ADAM15: variants seen among roughly 807,000 people sequenced by gnomAD.
ADAM15 encodes disintegrin and metalloproteinase domain-containing protein 15.
A neutral mutation model predicts 113.8 loss-of-function variants in ADAM15; 77 were observed. The observed-to-expected ratio is 0.68, with a 90% CI of 0.56 to 0.82. The LOEUF is 0.82. ADAM15 is among the 40% of genes least tolerant of loss of function. The pLI, the probability that ADAM15 is intolerant of heterozygous loss-of-function variation, is 0.00. For missense variants in ADAM15, 963 were observed against 1,120.1 expected (o/e 0.86, Z 2.00); for synonymous variants, 388 against 454.1 (o/e 0.85, Z 1.85).
Position 155,058,521 on chromosome 1 carries a change from C to CA in ADAM15, c.1917+81dup. 6.4e-7 allele frequency: 1 copy of CA among 1,569,680 alleles called. No homozygotes were observed. The highest frequency in any genetic ancestry group is 8.6e-7 in the Non-Finnish European group (1 of 1,161,440). The stretch of plus-strand genomic sequence containing the variant: ...TGAACAGAGCCCAGACTTCACCATT[C>CA]ACCAATGTCAAAGGCAGGGACTCCA... On this transcript the variant is annotated intron_variant, in intron 15 of 22. Coordinates refer to ENST00000356955, the MANE Select transcript of ADAM15 (RefSeq NM_207197.3). This position sits in a 1 kb window ranked among gnomAD's most constrained non-coding sequence, Gnocchi z 4.3.
rs777940328 is a variant in ADAM15, at chr1:155,058,440, T to C, written c.1916T>C (p.Leu639Pro). The part of the protein sequence containing the change: ...TLPGTACGPG[L>P]VCIDHRCQRV... ...CCTGGCACAGCCTGTGGCCCTGGCCTGGTGAGCAGCCTGGGTGGGCAAGAC... is the reference window on the plus strand; with the variant it reads ...CCTGGCACAGCCTGTGGCCCTGGCCCGGTGAGCAGCCTGGGTGGGCAAGAC... Residue 639 changes from leucine (L) to proline (P), a missense_variant and splice_region_variant, in exon 15 of 23, where the codon CTG becomes CCG. Physicochemically the swap from Leu to Pro is moderately conservative, Grantham distance 98 (BLOSUM62 -3). Transcript: ENST00000356955. The surrounding 1 kb of genome is among the most constrained non-coding windows in gnomAD (Gnocchi z 4.3). The C allele has an allele frequency of 1.9e-6, 3 of 1,611,012 alleles. No homozygotes were observed. The highest frequency in any genetic ancestry group is 2.5e-6 in the Non-Finnish European group (3 of 1,179,980).
chr1:155,052,873 G>T (rs1184499303), intron 2 of ADAM15, 96 bp downstream of exon 2: 10 of 1,479,410 alleles, frequency 6.8e-6, no homozygotes, highest in African/African-American at 2.8e-5. Context: ...GGAGCTGGTG[G>T]GTAGAGCTCA....
chr1:155,056,093 T>G lies in ADAM15; in HGVS notation c.758T>G (p.Leu253Arg), dbSNP rs752832890. 3.7e-6 allele frequency: 6 copies of G among 1,613,432 alleles called. No individual in the cohort carries two copies. The highest frequency in any genetic ancestry group is 5.1e-6 in the Non-Finnish European group (6 of 1,180,016). The change falls in exon 9 of 23, where the codon CTG becomes CGG. Residue 253 changes from leucine (L) to arginine (R), a missense_variant. Transcript: ENST00000356955. The surrounding 1 kb of genome is among the most constrained non-coding windows in gnomAD (Gnocchi z 4.0). The part of the protein sequence containing the change: ...ALLLDTFFRP[L>R]NVRVALVGLE... ...GCTGTCTTTCAGTTCTTCCGGCCCCTGAATGTACGAGTGGCACTAGTGGGC... is the reference window on the plus strand; with the variant it reads ...GCTGTCTTTCAGTTCTTCCGGCCCCGGAATGTACGAGTGGCACTAGTGGGC...
Position 155,060,244 on chromosome 1 carries a change from TG to T in ADAM15, c.2110del (p.Val704SerfsTer6). 6.2e-7 allele frequency: 1 copy of T among 1,614,138 alleles called. No homozygotes were observed. ...ACCACAGGGCTGCTCCTCAGCCTCC[TG>T]GTCTTATTGGTCCTGGTGATGCTTG... ...SLTTGLLLSL[L>X]VLLVLVMLGA... On this transcript the variant is annotated frameshift_variant, in exon 18 of 23. Transcript: ENST00000356955. LOFTEE classifies it high-confidence loss of function.
At chr1:155,052,379 G>T in intron 1 of ADAM15, 1 of 927,588 alleles carries the variant, frequency 1.1e-6, no homozygotes, top group Non-Finnish European at 1.6e-6. Flanking sequence ...ACCGGGGAGG[G>T]TCCTGTGAGA....
intron 19 of ADAM15, 51 bp downstream of exon 19, chr1:155,060,883 G>C: frequency 1.3e-6 from 2 of 1,550,148 alleles, no homozygotes; most frequent in South Asian, 1.1e-5. Context: ...CGGGCATCCA[G>C]CTTGGGCCCT....
rs968525138 is a variant in ADAM15 at position 155,057,613 on chromosome 1, C to T, written c.1324-24C>T. On this transcript the variant is annotated intron_variant, in intron 12 of 22. Transcript: ENST00000356955. This position sits in a 1 kb window ranked among gnomAD's most constrained non-coding sequence, Gnocchi z 5.0. ...CACAGGCCCCACCTGCTCTGATGCC[C>T]GGCCCCCGTGCTCCTGCCCACAGGA... 54 of 1,612,966 alleles carry T rather than the reference C, an allele frequency of 3.3e-5. No individual in the cohort carries two copies. Among genetic ancestry groups the T allele is most frequent in the Admixed American group, 5.0e-5 (3 of 59,978 alleles).
At chr1:155,060,661 C>A (rs2102422139) in intron 18 of ADAM15, 102 bp from the exon 19 acceptor site, 1 of 1,304,686 alleles carries the variant, frequency 7.7e-7, no homozygotes, top group Non-Finnish European at 1.1e-6. Context: ...CTAAACCACA[C>A]ATAAGTGCCT....
At chr1:155,052,854 C>T in intron 2 of ADAM15, 77 bp downstream of exon 2, 4 of 1,514,518 alleles carry the variant, frequency 2.6e-6, no homozygotes, top group Non-Finnish European at 3.6e-6. Flanking sequence ...AAAGCCAAAG[C>T]TTGGCTGAGG....
Position 155,053,399 on chromosome 1 carries a change from G to T in ADAM15, c.187-18G>T, listed in dbSNP as rs1377235781. On this transcript the variant is annotated intron_variant, in intron 2 of 22. Coordinates refer to ENST00000356955, the MANE Select transcript of ADAM15 (RefSeq NM_207197.3). ...GTGGACAGGTCTAGGGAGGTGACCT[G>T]CCCTCTGGTGCCCACAGACCAGTCT... The T allele has an allele frequency of 6.2e-7, 1 of 1,613,414 alleles. No homozygotes were observed. Among genetic ancestry groups the T allele is most frequent in the African/African-American group, 1.3e-5 (1 of 75,008 alleles).
chr1:155,062,211 C>T lies in ADAM15; in HGVS notation c.2425-34C>T, dbSNP rs915928536. ...GGGGGTGGGCAACATGACACCCCCC[C>T]ACCTAAGCCGGCCTCCTGCCTTCTC... On this transcript the variant is annotated intron_variant, in intron 21 of 22. Coordinates refer to ENST00000356955, the MANE Select transcript of ADAM15 (RefSeq NM_207197.3). This position sits in a 1 kb window ranked among gnomAD's most constrained non-coding sequence, Gnocchi z 7.0. 12 of 1,446,640 alleles carry T rather than the reference C, an allele frequency of 8.3e-6. No homozygotes were observed. In the East Asian group the frequency reaches 1.5e-4, roughly 18 times the overall value. The allele number at this position is 1,446,640 out of a possible 1,614,324, so 89.6% of individuals were successfully genotyped here. A position where few individuals can be genotyped will look rare whatever the true frequency, so the allele number is the denominator to read the frequency against.
Position 155,056,029 on chromosome 1 carries a change from C to T in ADAM15, c.744+29C>T, listed in dbSNP as rs774981835. 15 of 1,613,006 alleles carry T rather than the reference C, an allele frequency of 9.3e-6. No individual in the cohort carries two copies. In the East Asian group the frequency reaches 3.3e-4, roughly 36 times the overall value. Reference sequence around the variant, plus strand: ...AGTGCTGGACAGGGCAACCCCCACCCCAGGCCCCTGACCATGGCAACCCCT... The same window carrying T: ...AGTGCTGGACAGGGCAACCCCCACCTCAGGCCCCTGACCATGGCAACCCCT... On this transcript the variant is annotated intron_variant, in intron 8 of 22. Coordinates refer to ENST00000356955, the MANE Select transcript of ADAM15 (RefSeq NM_207197.3). The surrounding 1 kb of genome is among the most constrained non-coding windows in gnomAD (Gnocchi z 4.0).
rs1661243303 is a variant in ADAM15 at position 155,052,787 on chromosome 1, C to G, written c.186+10C>G. On this transcript the variant is annotated intron_variant, in intron 2 of 22. Coordinates refer to ENST00000356955, the MANE Select transcript of ADAM15 (RefSeq NM_207197.3). Reference sequence around the variant, plus strand: ...CAAAAAGGTGCTTCAGGTGAGCTCTCACTCCCCTCTAATAAATAAACGAAT... The same window carrying G: ...CAAAAAGGTGCTTCAGGTGAGCTCTGACTCCCCTCTAATAAATAAACGAAT... 1 of 1,603,336 alleles carries G rather than the reference C, an allele frequency of 6.2e-7. No homozygotes were observed. Among genetic ancestry groups the G allele is most frequent in the African/African-American group, 1.3e-5 (1 of 74,898 alleles).
At chr1:155,060,443 G>A (rs1269678095) in intron 18 of ADAM15, 100 bp downstream of exon 18, 1 of 1,534,720 alleles carries the variant, frequency 6.5e-7, no homozygotes, top group African/African-American at 1.4e-5. Context: ...TGAGCCCCAG[G>A]CCCCTTGGAC....
At position 155,062,079 on chromosome 1, in the gene ADAM15, T is replaced by C; in HGVS notation, c.2424+104T>C. 6.7e-7 allele frequency: 1 copy of C among 1,493,310 alleles called. No homozygotes were observed. The highest frequency in any genetic ancestry group is 1.4e-5 in the South Asian group (1 of 72,258). 92.5% of individuals were successfully genotyped at this position (1,493,310 alleles called of 1,614,324 possible). A position where few individuals can be genotyped will look rare whatever the true frequency, so the allele number is the denominator to read the frequency against. ...CGTGGCGAGATGCCCCCTCAGTGCATGAGGGCACATATCCCGGTGGTGCCT... is the reference window on the plus strand; with the variant it reads ...CGTGGCGAGATGCCCCCTCAGTGCACGAGGGCACATATCCCGGTGGTGCCT... On this transcript the variant is annotated intron_variant, in intron 21 of 22. Transcript: ENST00000356955. The surrounding 1 kb of genome is among the most constrained non-coding windows in gnomAD (Gnocchi z 7.0).
chr1:155,053,968 G>T lies in ADAM15; in HGVS notation c.322G>T (p.Val108Phe), dbSNP rs1661428100. The T allele has an allele frequency of 6.2e-7, 1 of 1,614,088 alleles. No homozygotes were observed. Among genetic ancestry groups the T allele is most frequent in the Non-Finnish European group, 8.5e-7 (1 of 1,180,044 alleles). ...VWYQPDGTRV[V>F]SEGHTLENCC... ...GTACCAGCCCGATGGCACTCGGGTG[G>T]TCAGTGAGGGACACACTTTGGTGAG... Residue 108 changes from valine (V) to phenylalanine (F), a missense_variant, in exon 4 of 23, where the codon GTC (valine) becomes TTC (phenylalanine). Transcript: ENST00000356955.
At position 155,052,760 on chromosome 1, in the gene ADAM15, C is replaced by T. The variant is rs578033720; in HGVS notation, c.169C>T (p.Leu57Phe). Residue 57 changes from leucine to phenylalanine, a missense_variant, in exon 2 of 23, where the codon CTC becomes TTC. Leu to Phe is a conservative substitution (Grantham distance 22). Coordinates refer to ENST00000356955, the MANE Select transcript of ADAM15 (RefSeq NM_207197.3). ...CCTTCAGGACGATCTCCCAATTAGC[C>T]TCAAAAAGGTGCTTCAGGTGAGCTC... ...QVLQDDLPIS[L>F]KKVLQTSLPE... 2 of 1,611,996 alleles carry T rather than the reference C, an allele frequency of 1.2e-6. No homozygotes were observed. The highest frequency in any genetic ancestry group is 2.2e-5 in the East Asian group (1 of 44,868).
Position 155,057,376 on chromosome 1 carries a change from C to A in ADAM15, c.1323+14C>A. Reference sequence around the variant, plus strand: ...GGCTTCCTGGATGTGAGCCCCTTTCCCAAAGCCTCGCCCCACTCACTTCTG... The same window carrying A: ...GGCTTCCTGGATGTGAGCCCCTTTCACAAAGCCTCGCCCCACTCACTTCTG... On this transcript the variant is annotated intron_variant, in intron 12 of 22. Coordinates refer to ENST00000356955, the MANE Select transcript of ADAM15 (RefSeq NM_207197.3). This position sits in a 1 kb window ranked among gnomAD's most constrained non-coding sequence, Gnocchi z 5.0. 6.2e-7 allele frequency: 1 copy of A among 1,613,894 alleles called. No individual in the cohort carries two copies. The highest frequency in any genetic ancestry group is 1.1e-5 in the South Asian group (1 of 91,070).
rs910460868 is a variant in ADAM15 at position 155,057,268 on chromosome 1, T to C, written c.1229T>C (p.Leu410Pro). 5.6e-6 allele frequency: 9 copies of C among 1,614,166 alleles called. No individual in the cohort carries two copies. The highest frequency in any genetic ancestry group is 6.8e-6 in the Non-Finnish European group (8 of 1,180,014). ...KALLDGMGSC[L>P]FERLPSLPPM... The stretch of plus-strand genomic sequence containing the variant: ...CTCCTGGATGGAATGGGCAGCTGCC[T>C]CTTCGAACGGCTGCCTAGCCTACCC... Residue 410 changes from leucine (L) to proline (P), a missense_variant, in exon 12 of 23, where the codon CTC becomes CCC. Leu to Pro is a moderately conservative substitution (Grantham distance 98). Coordinates refer to ENST00000356955, the MANE Select transcript of ADAM15 (RefSeq NM_207197.3). This position sits in a 1 kb window ranked among gnomAD's most constrained non-coding sequence, Gnocchi z 5.0.
Sources: allele counts gnomAD v4.1 joint callset, GRCh38; gene constraint gnomAD v4.1.1; non-coding constraint Gnocchi (gnomAD v3.1); transcripts MANE v1.5; gene names NCBI Gene and HGNC (gene_info 2026-07-23, HGNC 2026-07-21).